Variants in DRC8 observed in about 807,000 individuals in gnomAD.
The protein encoded by DRC8 is dynein regulatory complex protein 8.
At chr1:245,005,200 T>G in the DRC8 span, among the ~76,000 whole-genome samples, 1 of 152,304 alleles carries the variant, frequency 6.6e-6, no homozygotes, top group African/African-American at 2.4e-5. Flanking sequence ...TGCATTTATA[T>G]TTATAATGGA....
the DRC8 span, among the ~76,000 whole-genome samples, chr1:245,069,580 C>T: frequency 7.9e-5 from 12 of 152,126 alleles, no homozygotes; most frequent in Non-Finnish European, 1.5e-4. Flanking sequence ...AATAGCCCAA[C>T]TCCTAGAAAC....
At chr1:244,987,281 A>G in the DRC8 span, among the ~76,000 whole-genome samples, 1 of 151,082 alleles carries the variant, frequency 6.6e-6, no homozygotes, top group Non-Finnish European at 1.5e-5. Flanking sequence ...GCTCACTACA[A>G]CCTCCACCTC....
At chr1:245,041,593 C>T in the DRC8 span, among the ~76,000 whole-genome samples, 41 of 152,114 alleles carry the variant, frequency 2.7e-4, no homozygotes, top group African/African-American at 9.4e-4. Context: ...TGAATTACGT[C>T]CCCTCCAAAT....
At chr1:245,120,814 T>A in the DRC8 span, among the ~76,000 whole-genome samples, 2 of 152,246 alleles carry the variant, frequency 1.3e-5, no homozygotes, top group African/African-American at 4.8e-5. Context: ...GATACATGAA[T>A]AACGTGGAAT....
the DRC8 span, among the ~76,000 whole-genome samples, chr1:244,972,825 AAAAAAC>A: frequency 6.6e-6 from 1 of 151,974 alleles, no homozygotes; most frequent in Non-Finnish European, 1.5e-5. Context: ...CAAAAAAAAA[AAAAAAC>A]AAAAACAAAA....
At chr1:245,031,957 C>T in the DRC8 span, among the ~76,000 whole-genome samples, 1 of 152,104 alleles carries the variant, frequency 6.6e-6, no homozygotes, top group Non-Finnish European at 1.5e-5. Context: ...CTGAAACTGC[C>T]TCTGAATTTA....
chr1:245,017,452 T>A, the DRC8 span: 1 of 990,596 alleles, frequency 1.0e-6, no homozygotes, highest in Non-Finnish European at 1.4e-6. Flanking sequence ...GTATTTATTT[T>A]CCATGCTCCG....
the DRC8 span, among the ~76,000 whole-genome samples, chr1:245,097,517 C>CAAA: frequency 2.0e-5 from 3 of 148,440 alleles, no homozygotes; most frequent in African/African-American, 7.8e-5. The surrounding 1 kb of genome is among the most constrained non-coding windows in gnomAD (Gnocchi z 5.0). Flanking sequence ...GATTCCCTCT[C>CAAA]AAAAAAAAAA....
chr1:245,005,927 G>A, the DRC8 span, among the ~76,000 whole-genome samples: 2 of 151,896 alleles, frequency 1.3e-5, no homozygotes, highest in African/African-American at 2.4e-5. Flanking sequence ...TCACAAAGGC[G>A]GAGGGCAATA....
chr1:244,988,728 C>T, the DRC8 span, among the ~76,000 whole-genome samples: 2 of 152,164 alleles, frequency 1.3e-5, no homozygotes, highest in Non-Finnish European at 2.9e-5. Flanking sequence ...TCAACCAAAT[C>T]TGTGTAACTT....
chr1:245,025,000 G>A, the DRC8 span, among the ~76,000 whole-genome samples: 5 of 151,498 alleles, frequency 3.3e-5, no homozygotes, highest in Non-Finnish European at 5.9e-5. Context: ...GTCATGATGT[G>A]TCTGTCATCT....
chr1:245,042,391 G>A, the DRC8 span, among the ~76,000 whole-genome samples: 6 of 152,340 alleles, frequency 3.9e-5, no homozygotes, highest in African/African-American at 1.4e-4. Flanking sequence ...GTGGAGACAC[G>A]ATCTCTTGAT....
chr1:245,011,803 C>T, the DRC8 span, among the ~76,000 whole-genome samples: 2 of 152,124 alleles, frequency 1.3e-5, no homozygotes, highest in African/African-American at 4.8e-5. Context: ...TAGAACATTC[C>T]AAAGACTTTA....
At chr1:244,991,900 A>T in the DRC8 span, among the ~76,000 whole-genome samples, 1 of 152,232 alleles carries the variant, frequency 6.6e-6, no homozygotes, top group Admixed American at 6.5e-5. Flanking sequence ...AAGCTGTTAC[A>T]ATTGACTGTC....
At chr1:245,079,213 C>T in the DRC8 span, among the ~76,000 whole-genome samples, 7 of 152,062 alleles carry the variant, frequency 4.6e-5, no homozygotes, top group African/African-American at 9.7e-5. Flanking sequence ...AAATTGGATA[C>T]GGCCTCTAGA....
chr1:245,011,769 G>A, the DRC8 span, among the ~76,000 whole-genome samples: 1 of 152,172 alleles, frequency 6.6e-6, no homozygotes, highest in Non-Finnish European at 1.5e-5. Context: ...ATGCTGTGTT[G>A]AACAAAGTTA....
the DRC8 span, among the ~76,000 whole-genome samples, chr1:244,975,932 C>T: frequency 2.0e-5 from 3 of 151,836 alleles, no homozygotes; most frequent in African/African-American, 4.8e-5. Flanking sequence ...GTGTTTGGTA[C>T]GTATCTAGTG....
At chr1:245,029,218 C>CCATT in the DRC8 span, among the ~76,000 whole-genome samples, 1,328 of 152,334 alleles carry the variant, frequency 8.7e-3, 20 homozygotes, top group African/African-American at 0.031. Context: ...TCTTCAGGGC[C>CCATT]CATTACTGGC....
At chr1:245,007,178 G>C in the DRC8 span, among the ~76,000 whole-genome samples, 1 of 152,048 alleles carries the variant, frequency 6.6e-6, no homozygotes, top group African/African-American at 2.4e-5. Context: ...TCCCAGACAA[G>C]TCCAGGTTGT....
Sources: allele counts gnomAD v4.1 joint callset (sites outside exome capture counted in the v4.1 genomes callset), GRCh38; gene constraint gnomAD v4.1.1; non-coding constraint Gnocchi (gnomAD v3.1); transcripts MANE v1.5; gene names NCBI Gene and HGNC (gene_info 2026-07-23, HGNC 2026-07-21).